The following PLXDC2 variants were observed in gnomAD, a reference collection of about 807,000 sequenced individuals.
The protein encoded by PLXDC2 is plexin domain containing 2.
A neutral mutation model predicts 68.9 loss-of-function variants in PLXDC2; 40 were observed. That is an observed-to-expected ratio of 0.58 (90% CI 0.45 to 0.76). PLXDC2 has a LOEUF of 0.76. Among genes scored for constraint, PLXDC2 ranks in the 30% least tolerant of loss-of-function variants. The pLI is 0.00. For missense variants in PLXDC2, 644 were observed against 661.9 expected (o/e 0.97, Z 0.30); for synonymous variants, 243 against 234.2 (o/e 1.04, Z -0.34).
intron 1 of PLXDC2, among the ~76,000 whole-genome samples, chr10:19,888,585 A>G (rs548894676): frequency 2.6e-5 from 4 of 152,330 alleles, no homozygotes; most frequent in African/African-American, 9.6e-5. Flanking sequence ...AGTCATTATC[A>G]GGGAAGCTCA....
At chr10:20,074,667 A>T (rs1033833316) in intron 4 of PLXDC2, among the ~76,000 whole-genome samples, 4 of 152,152 alleles carry the variant, frequency 2.6e-5, no homozygotes, top group Non-Finnish European at 5.9e-5. Context: ...GTCCCAAATA[A>T]TATTTCATAC....
intron 5 of PLXDC2, among the ~76,000 whole-genome samples, chr10:20,143,998 A>G (rs1047180882): frequency 1.0e-5 from 1 of 100,148 alleles, no homozygotes; most frequent in East Asian, 2.3e-4. Context: ...GACATATAAA[A>G]TAGAGAAAAA....
intron 3 of PLXDC2, among the ~76,000 whole-genome samples, chr10:20,053,412 G>A (rs1408999803): frequency 1.3e-5 from 2 of 152,100 alleles, no homozygotes; most frequent in African/African-American, 4.8e-5. Context: ...TAAGCAACGA[G>A]GCAGGCACTT....
intron 13 of PLXDC2, among the ~76,000 whole-genome samples, chr10:20,255,232 G>A (rs1212009699): frequency 1.3e-5 from 2 of 150,382 alleles, no homozygotes; most frequent in Admixed American, 1.3e-4. Flanking sequence ...TAGATAGATA[G>A]ATACCACAGA....
chr10:20,252,729 C>T (rs1835694531), intron 13 of PLXDC2, among the ~76,000 whole-genome samples: 1 of 152,274 alleles, frequency 6.6e-6, no homozygotes, highest in East Asian at 1.9e-4. Context: ...ACAAGATCAT[C>T]CTTTCCTTCA....
chr10:20,149,229 CTTTTTTTTTTTTTTTTT>C (rs71200986), intron 6 of PLXDC2, among the ~76,000 whole-genome samples: 5 of 34,920 alleles, frequency 1.4e-4, no homozygotes, highest in South Asian at 1.7e-3. Flanking sequence ...TTTTTCTTTT[CTTTTTTTTTTTTTTTTT>C]TTTTTTTTTG....
chr10:19,962,706 T>C (rs979431251), intron 1 of PLXDC2, among the ~76,000 whole-genome samples: 2 of 146,912 alleles, frequency 1.4e-5, no homozygotes, highest in African/African-American at 5.0e-5. Flanking sequence ...TCTTTACTTA[T>C]AAATTGCAGT....
At chr10:19,906,341 G>A (rs142145314) in intron 1 of PLXDC2, among the ~76,000 whole-genome samples, 63 of 152,322 alleles carry the variant, frequency 4.1e-4, no homozygotes, top group African/African-American at 1.5e-3. Flanking sequence ...GCAGGGCCAC[G>A]TGGGGAAGCA....
At chr10:20,140,442 C>CTATCTATCTATCTATCTATCT (rs34794355) in intron 4 of PLXDC2, among the ~76,000 whole-genome samples, 60 of 145,416 alleles carry the variant, frequency 4.1e-4, no homozygotes, top group Middle Eastern at 3.5e-3. Context: ...TCTATCTATC[C>CTATCTATCTATCTATCTATCT]GTCTAATCTT....
At chr10:19,928,886 C>G (rs1833583040) in intron 1 of PLXDC2, among the ~76,000 whole-genome samples, 1 of 151,088 alleles carries the variant, frequency 6.6e-6, no homozygotes, top group East Asian at 2.0e-4. Flanking sequence ...TCCCAAATAG[C>G]TTGGATTACA....
intron 1 of PLXDC2, among the ~76,000 whole-genome samples, chr10:19,864,730 C>T (rs570792150): frequency 1.1e-4 from 16 of 152,100 alleles, no homozygotes; most frequent in Non-Finnish European, 1.8e-4. Context: ...GAATAAGAGG[C>T]AGATCCTTCA....
intron 1 of PLXDC2, among the ~76,000 whole-genome samples, chr10:19,857,148 C>G (rs1379295041): frequency 6.6e-6 from 1 of 152,188 alleles, no homozygotes; most frequent in Non-Finnish European, 1.5e-5. Context: ...AATTAAGTTA[C>G]TTGCCTAAAG....
At chr10:19,995,898 G>T (rs1305450190) in intron 1 of PLXDC2, among the ~76,000 whole-genome samples, 1 of 152,132 alleles carries the variant, frequency 6.6e-6, no homozygotes. Context: ...TAGGGTAAAG[G>T]CTTTCATCCA....
intron 6 of PLXDC2, among the ~76,000 whole-genome samples, chr10:20,150,671 T>A (rs911651217): frequency 6.6e-6 from 1 of 152,220 alleles, no homozygotes; most frequent in African/African-American, 2.4e-5. Context: ...GCAAGGTCAG[T>A]AAGTTTGGAG....
chr10:20,141,348 AAC>A (rs1399631939), intron 4 of PLXDC2, among the ~76,000 whole-genome samples: 32 of 152,106 alleles, frequency 2.1e-4, no homozygotes, highest in Non-Finnish European at 2.9e-5. Context: ...TACATTTTGC[AAC>A]AGTGTATTTC....
intron 1 of PLXDC2, among the ~76,000 whole-genome samples, chr10:19,903,544 G>A (rs576970281): frequency 1.3e-5 from 2 of 151,806 alleles, no homozygotes; most frequent in South Asian, 4.1e-4. Flanking sequence ...GTTTCTAATT[G>A]AGCTTATTTG....
intron 2 of PLXDC2, among the ~76,000 whole-genome samples, chr10:20,022,386 A>G (rs888635374): frequency 7.9e-5 from 12 of 152,176 alleles, no homozygotes; most frequent in Admixed American, 6.5e-5. Context: ...GGGTGCAGAG[A>G]CATGGGGTGT....
Position 20,288,259 on chromosome 10 carries a change from T to G in PLXDC2, c.*8440T>G, listed in dbSNP as rs897681225. 3 of 152,176 alleles carry G rather than the reference T, an allele frequency of 2.0e-5. No homozygotes were observed. Among genetic ancestry groups the G allele is most frequent in the Non-Finnish European group, 4.4e-5 (3 of 68,040 alleles). The allele number at this position is 152,176 out of a possible 1,614,324, so 9.4% of individuals were successfully genotyped here. On this transcript the variant is annotated 3_prime_UTR_variant, in exon 14 of 14. Coordinates refer to ENST00000377252, the MANE Select transcript of PLXDC2 (RefSeq NM_032812.9). ...GTGTGCCAAACCAAGGACGTGTCTT[T>G]CAGGGAAAGGTTAATTTTCCGAAGT... is the stretch of plus-strand genomic sequence containing the variant.
At chr10:20,009,646 C>T (rs1835078255) in intron 2 of PLXDC2, among the ~76,000 whole-genome samples, 1 of 150,946 alleles carries the variant, frequency 6.6e-6, no homozygotes, top group South Asian at 2.1e-4. Flanking sequence ...GACCTTTGTT[C>T]TGTAGAGAGG....
Sources: gnomAD v4.1 joint callset for allele counts (sites outside exome capture counted in the v4.1 genomes callset) on GRCh38, gnomAD v4.1.1 for gene constraint, MANE v1.5 for transcripts, NCBI Gene and HGNC (gene_info 2026-07-23, HGNC 2026-07-21) for gene names.